The following BACH2 variants were observed in gnomAD, a reference collection of about 807,000 sequenced individuals.
BACH2 encodes the protein BACH transcriptional regulator 2, also known as transcription regulator protein BACH2.
BACH2 carries 5 observed loss-of-function variants against 61.8 expected under a neutral mutation model. That is an observed-to-expected ratio of 0.08 (90% CI 0.04 to 0.17). The LOEUF is 0.17. BACH2 is among the 10% of genes least tolerant of loss of function. The pLI, the probability that BACH2 is intolerant of heterozygous loss-of-function variation, is 1.00. For synonymous variants in BACH2, 446 were observed against 440.1 expected (o/e 1.01, Z -0.17); for missense variants, 824 against 1,091.1 (o/e 0.76, Z 3.45).
chr6:90,161,050 T>C lies in BACH2; in HGVS notation c.-162+45519A>G, dbSNP rs186784469. Among the ~76,000 whole-genome samples the C allele has an allele frequency of 5.3e-3, 740 of 139,724 alleles. 16 individuals carry two copies. Among genetic ancestry groups the C allele is most frequent in the Non-Finnish European group, 4.9e-3 (327 of 66,756 alleles). The allele number at this position is 139,724 out of a possible 152,430, so 91.7% of individuals were successfully genotyped here. A position where few individuals can be genotyped will look rare whatever the true frequency, so the allele number is the denominator to read the frequency against. On this transcript the variant is annotated intron_variant, in intron 4 of 8. Transcript: ENST00000257749. ...TTGCAGTGAGCCGAGATCGGGCCACTGCACTCCAGCCTGGCGACAGAGCGA... is the reference window on the plus strand; with the variant it reads ...TTGCAGTGAGCCGAGATCGGGCCACCGCACTCCAGCCTGGCGACAGAGCGA...
In BACH2 at chr6:90,150,276, T is replaced by C. The variant is rs1417747052; in HGVS notation, c.-162+56293A>G. Among the ~76,000 whole-genome samples the C allele has an allele frequency of 2.6e-5, 4 of 152,188 alleles. No homozygotes were observed. The East Asian group carries it at 7.7e-4, about 29-fold the overall frequency. ...TGTACCCTCCCAACTGGTCTCCTTGTTTCAATTACCCTTCTACATCATCAG... is the reference window on the plus strand; with the variant it reads ...TGTACCCTCCCAACTGGTCTCCTTGCTTCAATTACCCTTCTACATCATCAG... On this transcript the variant is annotated intron_variant, in intron 4 of 8. Transcript: ENST00000257749.
intron 5 of BACH2, among the ~76,000 whole-genome samples, chr6:90,060,085 C>G (rs565254032): frequency 6.6e-6 from 1 of 151,366 alleles, no homozygotes; most frequent in Non-Finnish European, 1.5e-5. Context: ...TGTAACGAAG[C>G]TGCACGTCGT....
At chr6:90,139,318 G>A (rs1436734535) in intron 4 of BACH2, among the ~76,000 whole-genome samples, 1 of 152,146 alleles carries the variant, frequency 6.6e-6, no homozygotes, top group Admixed American at 6.5e-5. Flanking sequence ...AAAAAGTGGT[G>A]TGCCTTGAGC....
intron 6 of BACH2, among the ~76,000 whole-genome samples, chr6:89,959,712 T>C (rs1774633956): frequency 6.6e-6 from 1 of 152,196 alleles, no homozygotes; most frequent in Admixed American, 6.5e-5. Context: ...ACTTCTATTA[T>C]TTGACTGAAT....
At chr6:90,081,676 C>T (rs1429041034) in intron 5 of BACH2, among the ~76,000 whole-genome samples, 1 of 152,122 alleles carries the variant, frequency 6.6e-6, no homozygotes, top group Non-Finnish European at 1.5e-5. Context: ...CTAGATATAA[C>T]CAATGTCAAA....
intron 2 of BACH2, among the ~76,000 whole-genome samples, chr6:90,264,695 A>C (rs1771268784): frequency 6.6e-6 from 1 of 152,164 alleles, no homozygotes; most frequent in Admixed American, 6.5e-5. Flanking sequence ...TCTGGGATGG[A>C]GGTGAAGAGG....
intron 1 of BACH2, among the ~76,000 whole-genome samples, chr6:90,289,778 A>G (rs1772126947): frequency 6.6e-6 from 1 of 152,246 alleles, no homozygotes; most frequent in African/African-American, 2.4e-5. Context: ...TTCGGGCCAC[A>G]GAGGATGGAG....
intron 3 of BACH2, among the ~76,000 whole-genome samples, chr6:90,216,217 A>C (rs1001848725): frequency 6.6e-6 from 1 of 152,198 alleles, no homozygotes; most frequent in African/African-American, 2.4e-5. Flanking sequence ...CAAAACAAAC[A>C]GAGGAAATTT....
intron 5 of BACH2, among the ~76,000 whole-genome samples, chr6:90,029,541 A>G (rs921945359): frequency 6.6e-6 from 1 of 152,018 alleles, no homozygotes; most frequent in Non-Finnish European, 1.5e-5. Flanking sequence ...TCTCACACAC[A>G]CTATATTTTA....
intron 6 of BACH2, among the ~76,000 whole-genome samples, chr6:89,969,720 A>G (rs1775255863): frequency 6.6e-6 from 1 of 152,208 alleles, no homozygotes; most frequent in Non-Finnish European, 1.5e-5. Flanking sequence ...TGGGGCTCAT[A>G]AAAGGGAATG....
In BACH2 at chr6:90,114,636, A is replaced by G. The variant is rs562131820; in HGVS notation, c.-161-25527T>C. Among the ~76,000 whole-genome samples the G allele has an allele frequency of 2.0e-5, 3 of 152,302 alleles. No individual in the cohort carries two copies. The South Asian group carries it at 6.2e-4, about 32-fold the overall frequency. On this transcript the variant is annotated intron_variant, in intron 4 of 8. Transcript: ENST00000257749. ...CAAGGGTGCCCTCTCTCACCACTTT[A>G]TTCAACATAGCACTGGAATTCCTAG...
rs184517251 is a variant in BACH2 at position 90,204,669 on chromosome 6, C to T, written c.-162+1900G>A. Among the ~76,000 whole-genome samples the T allele has an allele frequency of 1.8e-3, 275 of 152,254 alleles. 1 individual carries two copies. Among genetic ancestry groups the T allele is most frequent in the Non-Finnish European group, 3.4e-3 (234 of 68,016 alleles). On this transcript the variant is annotated intron_variant, in intron 4 of 8. Transcript: ENST00000257749. ...GAAACTTAGGGCGGAGCTGTCACAG[C>T]AAACTGCATTTGCTGATAACAGATT...
chr6:90,054,860 C>A (rs1780246526), intron 5 of BACH2, among the ~76,000 whole-genome samples: 1 of 152,214 alleles, frequency 6.6e-6, no homozygotes, highest in African/African-American at 2.4e-5. Context: ...CCCAGGCAAA[C>A]AAGGTCTGGA....
At chr6:90,105,830 T>A (rs533833621) in intron 4 of BACH2, among the ~76,000 whole-genome samples, 1 of 152,292 alleles carries the variant, frequency 6.6e-6, no homozygotes, top group East Asian at 1.9e-4. Context: ...AAAGACTGAA[T>A]TTTTAGACCT....
intron 1 of BACH2, among the ~76,000 whole-genome samples, chr6:90,295,882 C>G (rs1772347492): frequency 6.6e-6 from 1 of 152,290 alleles, no homozygotes; most frequent in Non-Finnish European, 1.5e-5. Context: ...GCTTTGATTC[C>G]CCGCCGGTCG....
chr6:90,141,401 G>C (rs540313749), intron 4 of BACH2, among the ~76,000 whole-genome samples: 1 of 151,568 alleles, frequency 6.6e-6, no homozygotes, highest in South Asian at 2.1e-4. Context: ...GGCTAGTCAC[G>C]AACTCCTGAC....
rs201170817 is a variant in BACH2 at position 89,938,252 on chromosome 6, C to T, written c.1935G>A (p.Glu645=). 2 of 1,614,268 alleles carry T rather than the reference C, an allele frequency of 1.2e-6. No homozygotes were observed. The highest frequency in any genetic ancestry group is 1.1e-5 in the South Asian group (1 of 91,088). The change falls in exon 8 of 9, where the codon GAG becomes GAA. Residue 645 remains glutamate (E), a synonymous_variant. Coordinates refer to ENST00000257749, the MANE Select transcript of BACH2 (RefSeq NM_021813.4). ...TGCGCCGTCGGACATCATGAATAAA[C>T]TCTAACTGTTCTGAGGTTAGCTTGT... ...KMHKLTSEQL[E]FIHDVRRRSK...
intron 6 of BACH2, among the ~76,000 whole-genome samples, chr6:89,966,888 T>G (rs1459657699): frequency 6.6e-6 from 1 of 152,132 alleles, no homozygotes; most frequent in Non-Finnish European, 1.5e-5. Context: ...TTTGTAGAGT[T>G]AGGGGTCTCA....
chr6:90,253,599 G>A (rs1384308336), intron 2 of BACH2, among the ~76,000 whole-genome samples: 1 of 152,144 alleles, frequency 6.6e-6, no homozygotes, highest in Non-Finnish European at 1.5e-5. Flanking sequence ...ACTAAGAACT[G>A]GAGGGAGGCT....
Sources: gnomAD v4.1 joint callset for allele counts (sites outside exome capture counted in the v4.1 genomes callset) on GRCh38, gnomAD v4.1.1 for gene constraint, MANE v1.5 for transcripts, NCBI Gene and HGNC (gene_info 2026-07-23, HGNC 2026-07-21) for gene names.